CIAO3: variants seen among roughly 807,000 people sequenced by gnomAD.
The protein encoded by CIAO3 is cytosolic iron-sulfur assembly component 3.
A neutral mutation model predicts 51.5 loss-of-function variants in CIAO3; 45 were observed. That is an observed-to-expected ratio of 0.87 (90% confidence interval 0.69 to 1.12). CIAO3 has a LOEUF of 1.12. CIAO3 is among the 50% of genes most tolerant of loss of function. The pLI is 0.00. For synonymous variants in CIAO3, 314 were observed against 269.3 expected (o/e 1.17, Z -1.63); for missense variants, 668 against 632.5 (o/e 1.06, Z -0.60).
Position 739,689 on chromosome 16 carries a change from G to C in CIAO3, c.116C>G (p.Ala39Gly), listed in dbSNP as rs776633245. Residue 39 changes from alanine to glycine, a missense_variant, in exon 2 of 11, where the codon GCC becomes GGC. By Grantham distance (60) the Ala-to-Gly change is moderately conservative. Coordinates refer to ENST00000251588, the MANE Select transcript of CIAO3 (RefSeq NM_022493.3). ...KVEKRAGSGV[A>G]KIRIEDDGSY... ...CCCGTCATCTTCAATGCGAATCTTG[G>C]CCACGCCACTTCCCGCCCTTTTTTC... 3 of 1,614,096 alleles carry C rather than the reference G, an allele frequency of 1.9e-6. No individual in the cohort carries two copies. In the Admixed American group the frequency reaches 5.0e-5, roughly 27 times the overall value.
rs961569582 is a variant in CIAO3 at position 731,012 on chromosome 16, A to G, written c.1035-12T>C. ...GGAAGTCTTTGTTCCTGGGGGGCAC[A>G]GGCGGGGTTTGTCTACATGGCACAC... On this transcript the variant is annotated splice_polypyrimidine_tract_variant and intron_variant, in intron 9 of 10. Coordinates refer to ENST00000251588, the MANE Select transcript of CIAO3 (RefSeq NM_022493.3). 1 of 1,612,204 alleles carries G rather than the reference A, an allele frequency of 6.2e-7. No individual in the cohort carries two copies. Among genetic ancestry groups the G allele is most frequent in the African/African-American group, 1.3e-5 (1 of 74,912 alleles).
At position 731,645 on chromosome 16, in the gene CIAO3, GC is replaced by G. The variant is rs1442970889; in HGVS notation, c.953del (p.Gly318AlafsTer27). ...CGTGCCGGAACACGTGCTCCAGGTA[GC>G]CCCCCGAGCCCCCTCCCCGATGGCT... ...PTSHRGGGSG[G>X]YLEHVFRHAA... is the part of the protein sequence containing the mutation. On this transcript the variant is annotated frameshift_variant, in exon 9 of 11. Transcript: ENST00000251588. LOFTEE classifies it high-confidence loss of function. The G allele has an allele frequency of 3.3e-5, 51 of 1,556,990 alleles. No individual in the cohort carries two copies. The highest frequency in any genetic ancestry group is 3.8e-5 in the Non-Finnish European group (44 of 1,151,188).
At chr16:734,708 C>T (rs1405514371) in intron 5 of CIAO3, 29 bp downstream of exon 5, 2 of 1,612,652 alleles carry the variant, frequency 1.2e-6, no homozygotes, top group African/African-American at 1.3e-5. Flanking sequence ...TTGAACTTGA[C>T]TCTCCCACCA....
Position 734,268 on chromosome 16 carries a change from G to A in CIAO3, c.654C>T (p.Val218=). 1 of 1,612,044 alleles carries A rather than the reference G, an allele frequency of 6.2e-7. No individual in the cohort carries two copies. The highest frequency in any genetic ancestry group is 8.5e-7 in the Non-Finnish European group (1 of 1,179,838). Residue 218 remains valine, a synonymous_variant, in exon 6 of 11, where the codon GTC becomes GTT. Coordinates refer to ENST00000251588, the MANE Select transcript of CIAO3 (RefSeq NM_022493.3). ...AGAAGTCCTTGACCAGGGAGCCCAT[G>A]ACCTGCTGCGGGGACCGGGCGGTGC... is the stretch of plus-strand genomic sequence containing the variant. The part of the protein sequence containing the change: ...HISTARSPQQ[V]MGSLVKDFFA...
chr16:732,849 G>C, intron 7 of CIAO3: 1 of 322,586 alleles, frequency 3.1e-6, no homozygotes, highest in East Asian at 8.3e-5. Flanking sequence ...TCTCGGCCAG[G>C]CTGGTCTTGA....
Position 730,256 on chromosome 16 carries a change from G to A in CIAO3, c.*161C>T. 1.4e-6 allele frequency: 1 copy of A among 698,714 alleles called. No individual in the cohort carries two copies. The allele number at this position is 698,714 out of a possible 1,614,324, so 43.3% of individuals were successfully genotyped here. A position where few individuals can be genotyped will look rare whatever the true frequency, so the allele number is the denominator to read the frequency against. On this transcript the variant is annotated 3_prime_UTR_variant, in exon 11 of 11. Coordinates refer to ENST00000251588, the MANE Select transcript of CIAO3 (RefSeq NM_022493.3). ...AACCCAGAGGCACCCAACTGGAGGTGACGAGGCGGCTGCGGGTCCTGGCTA... is the reference window on the plus strand; with the variant it reads ...AACCCAGAGGCACCCAACTGGAGGTAACGAGGCGGCTGCGGGTCCTGGCTA...
In CIAO3 at chr16:738,223, G is replaced by T. The variant is rs573949530; in HGVS notation, c.163-894C>A. On this transcript the variant is annotated intron_variant, in intron 2 of 10. Transcript: ENST00000251588. Reference sequence around the variant, plus strand: ...ACCAGCACCCCAGCACCTTCCAGGGGTTCCCTTCGTTTGTGGGCTGGGCCC... The same window carrying T: ...ACCAGCACCCCAGCACCTTCCAGGGTTTCCCTTCGTTTGTGGGCTGGGCCC... The T allele has an allele frequency of 3.3e-4, 325 of 989,302 alleles. No homozygotes were observed. In the African/African-American group the frequency reaches 5.3e-3, roughly 16 times the overall value. 61.3% of individuals were successfully genotyped at this position (989,302 alleles called of 1,614,324 possible). A position where few individuals can be genotyped will look rare whatever the true frequency, so the allele number is the denominator to read the frequency against.
chr16:740,893 C>T (rs528105485), intron 1 of CIAO3, 27 bp downstream of exon 1: 2 of 1,525,676 alleles, frequency 1.3e-6, no homozygotes, highest in South Asian at 1.2e-5. Context: ...AGCGCAGCCT[C>T]GACCCCGCCC....
At position 731,713 on chromosome 16, in the gene CIAO3, G is replaced by A. The variant is rs964095820; in HGVS notation, c.897-11C>T. Reference sequence around the variant, plus strand: ...GAGGCACCGCTGCACCTGGCAAGGAGGGAGGGGCCTCAGCACAGCTGGGGC... The same window carrying A: ...GAGGCACCGCTGCACCTGGCAAGGAAGGAGGGGCCTCAGCACAGCTGGGGC... On this transcript the variant is annotated splice_polypyrimidine_tract_variant and intron_variant, in intron 8 of 10. Transcript: ENST00000251588. 6.5e-7 allele frequency: 1 copy of A among 1,545,578 alleles called. No individual in the cohort carries two copies. Among genetic ancestry groups the A allele is most frequent in the Non-Finnish European group, 8.7e-7 (1 of 1,148,278 alleles).
At chr16:731,271 T>C in intron 9 of CIAO3, 2 of 615,288 alleles carry the variant, frequency 3.3e-6, no homozygotes, top group East Asian at 2.9e-5. Flanking sequence ...CCCTCCCTCC[T>C]GGGATGTGGT....
chr16:737,751 G>A lies in CIAO3; in HGVS notation c.163-422C>T. 7.9e-7 allele frequency: 1 copy of A among 1,266,016 alleles called. No homozygotes were observed. The highest frequency in any genetic ancestry group is 1.3e-5 in the South Asian group (1 of 77,552). 78.4% of individuals were successfully genotyped at this position (1,266,016 alleles called of 1,614,324 possible). A position where few individuals can be genotyped will look rare whatever the true frequency, so the allele number is the denominator to read the frequency against. On this transcript the variant is annotated intron_variant, in intron 2 of 10. Transcript: ENST00000251588. This position sits in a 1 kb window ranked among gnomAD's most constrained non-coding sequence, Gnocchi z 5.3. ...AAAGGAGGAAAGGACGAAGGCACAG[G>A]AAGAGGAGAGCAGAGGGAGGAAGCC... is the stretch of plus-strand genomic sequence containing the variant.
intron 5 of CIAO3, 113 bp from the exon 6 acceptor site, chr16:734,460 A>AG (rs1439039370): frequency 3.4e-5 from 29 of 860,032 alleles, no homozygotes; most frequent in Middle Eastern, 4.4e-4. Context: ...GATCATGATG[A>AG]CATTAAAGAG....
rs749881076 is a variant in CIAO3, at chr16:737,648, G to A, written c.163-319C>T. 11 of 1,348,456 alleles carry A rather than the reference G, an allele frequency of 8.2e-6. No homozygotes were observed. The highest frequency in any genetic ancestry group is 1.5e-5 in the African/African-American group (1 of 68,254). The allele number at this position is 1,348,456 out of a possible 1,614,324, so 83.5% of individuals were successfully genotyped here. A position where few individuals can be genotyped will look rare whatever the true frequency, so the allele number is the denominator to read the frequency against. ...GGGCCCTGGACGGGGTGCTGGCCCC[G>A]GTGCACACTCACAGGGCTGTAGGGC... On this transcript the variant is annotated intron_variant, in intron 2 of 10. Coordinates refer to ENST00000251588, the MANE Select transcript of CIAO3 (RefSeq NM_022493.3). This position sits in a 1 kb window ranked among gnomAD's most constrained non-coding sequence, Gnocchi z 5.3.
At position 737,494 on chromosome 16, in the gene CIAO3, G is replaced by A. The variant is rs1364518706; in HGVS notation, c.163-165C>T. The A allele has an allele frequency of 4.6e-6, 7 of 1,519,630 alleles. No individual in the cohort carries two copies. The highest frequency in any genetic ancestry group is 2.4e-5 in the South Asian group (2 of 82,416). The allele number at this position is 1,519,630 out of a possible 1,614,324, so 94.1% of individuals were successfully genotyped here. A position where few individuals can be genotyped will look rare whatever the true frequency, so the allele number is the denominator to read the frequency against. On this transcript the variant is annotated intron_variant, in intron 2 of 10. Transcript: ENST00000251588. The surrounding 1 kb of genome is among the most constrained non-coding windows in gnomAD (Gnocchi z 5.3). Reference sequence around the variant, plus strand: ...AGGTATGTATTACAAAAATGCACACGCACGCTCTACAGTTTCATAATGCCG... The same window carrying A: ...AGGTATGTATTACAAAAATGCACACACACGCTCTACAGTTTCATAATGCCG...
At position 730,065 on chromosome 16, in the gene CIAO3, C is replaced by G; in HGVS notation, c.*352G>C. The G allele has an allele frequency of 2.4e-6, 1 of 413,868 alleles. No individual in the cohort carries two copies. Among genetic ancestry groups the G allele is most frequent in the Non-Finnish European group, 4.4e-6 (1 of 225,784 alleles). 25.6% of individuals were successfully genotyped at this position (413,868 alleles called of 1,614,324 possible). A position where few individuals can be genotyped will look rare whatever the true frequency, so the allele number is the denominator to read the frequency against. On this transcript the variant is annotated 3_prime_UTR_variant, in exon 11 of 11. Transcript: ENST00000251588. ...AGAACCCGTCTTGCTCTGCCTCAGG[C>G]AACCCCGGGACAGGCTGAAGCCCCT...
chr16:739,510 A>C, intron 2 of CIAO3, 133 bp downstream of exon 2: 2 of 909,524 alleles, frequency 2.2e-6, no homozygotes, highest in Non-Finnish European at 3.5e-6. Context: ...TGGCAGGTGA[A>C]TTCGACCAGT....
rs1567342786 is a variant in CIAO3 at position 730,853 on chromosome 16, G to A, written c.1182C>T (p.Ala394=). Residue 394 remains alanine (A), a synonymous_variant, in exon 10 of 11, where the codon GCC becomes GCT. Transcript: ENST00000251588. ...RCPYHYVEVM[A]CPSGCLNGGG... is the part of the protein sequence containing the mutation. The stretch of plus-strand genomic sequence containing the variant: ...CCTTGCAGGAGCTACCTGAGGGGCA[G>A]GCCATGACCTCCACGTAGTGGTAGG... 2 of 1,612,742 alleles carry A rather than the reference G, an allele frequency of 1.2e-6. No homozygotes were observed. Among genetic ancestry groups the A allele is most frequent in the African/African-American group, 1.3e-5 (1 of 75,074 alleles).
chr16:740,704 C>T (rs1596677307), intron 1 of CIAO3: 3 of 557,430 alleles, frequency 5.4e-6, no homozygotes, highest in Admixed American at 6.8e-5. Context: ...GGTTGGGGGG[C>T]GCCGCCCTCC....
chr16:737,904 C>T lies in CIAO3; in HGVS notation c.163-575G>A. 1 of 1,181,538 alleles carries T rather than the reference C, an allele frequency of 8.5e-7. No homozygotes were observed. The highest frequency in any genetic ancestry group is 1.1e-6 in the Non-Finnish European group (1 of 938,216). The allele number at this position is 1,181,538 out of a possible 1,614,324, so 73.2% of individuals were successfully genotyped here. A position where few individuals can be genotyped will look rare whatever the true frequency, so the allele number is the denominator to read the frequency against. On this transcript the variant is annotated intron_variant, in intron 2 of 10. Transcript: ENST00000251588. This position sits in a 1 kb window ranked among gnomAD's most constrained non-coding sequence, Gnocchi z 5.3. Reference sequence around the variant, plus strand: ...AGCAACTTTTCTTACATGCAAAACGCACCCAGCTCGAGCTCCCCCAACTTC... The same window carrying T: ...AGCAACTTTTCTTACATGCAAAACGTACCCAGCTCGAGCTCCCCCAACTTC...
Sources: gnomAD v4.1 joint callset for allele counts on GRCh38, gnomAD v4.1.1 for gene constraint, Gnocchi (gnomAD v3.1) non-coding constraint, MANE v1.5 for transcripts, NCBI Gene and HGNC (gene_info 2026-07-23, HGNC 2026-07-21) for gene names.